The following RBFOX1 variants were observed in gnomAD, a reference collection of about 807,000 sequenced individuals.
RBFOX1 encodes the protein RNA binding fox-1 homolog 1.
A neutral mutation model predicts 57.7 loss-of-function variants in RBFOX1; 8 were observed. That is an observed-to-expected ratio of 0.14 (90% CI 0.08 to 0.25). The LOEUF (loss-of-function observed/expected upper bound fraction) is 0.25, where lower values mean the gene tolerates loss of function less well. RBFOX1 is among the 10% of genes least tolerant of loss of function. RBFOX1 has a pLI of 1.00. For missense variants in RBFOX1, 611 were observed against 548.5 expected (o/e 1.11, Z -1.14); for synonymous variants, 326 against 222.4 (o/e 1.47, Z -4.15).
chr16:5,709,864 T>TACC (rs1596883733), intron 3 of RBFOX1, among the ~76,000 whole-genome samples: 1 of 77,420 alleles, frequency 1.3e-5, no homozygotes, highest in Admixed American at 1.3e-4. Context: ...TTTTTTTTTT[T>TACC]TTTTTTTTTT....
At chr16:5,980,247 C>T (rs2060145220) in intron 4 of RBFOX1, among the ~76,000 whole-genome samples, 2 of 152,340 alleles carry the variant, frequency 1.3e-5, no homozygotes, top group South Asian at 2.1e-4. Flanking sequence ...AAGTGATTGC[C>T]ATCTCCAAAT....
chr16:6,830,516 T>C (rs1302520544), intron 3 of RBFOX1, among the ~76,000 whole-genome samples: 2 of 152,288 alleles, frequency 1.3e-5, no homozygotes, highest in African/African-American at 4.8e-5. Context: ...GAGACTGTTT[T>C]GTTCCCCCAG....
At chr16:5,286,761 AC>A (rs1268564448) in intron 1 of RBFOX1, among the ~76,000 whole-genome samples, 1 of 152,202 alleles carries the variant, frequency 6.6e-6, no homozygotes, top group African/African-American at 2.4e-5. Context: ...GGTCTAGATA[AC>A]CTCTGTTGCA....
At chr16:7,414,995 G>A (rs1476257353) in intron 4 of RBFOX1, among the ~76,000 whole-genome samples, 1 of 152,188 alleles carries the variant, frequency 6.6e-6, no homozygotes, top group Non-Finnish European at 1.5e-5. Flanking sequence ...GGAGTTGTGA[G>A]GAGCTTATAT....
At chr16:5,812,023 T>C (rs1197935192) in intron 3 of RBFOX1, among the ~76,000 whole-genome samples, 1 of 152,206 alleles carries the variant, frequency 6.6e-6, no homozygotes, top group Non-Finnish European at 1.5e-5. Flanking sequence ...GGACGTTTCA[T>C]GTAATTGAAT....
intron 3 of RBFOX1, among the ~76,000 whole-genome samples, chr16:6,705,929 G>A (rs750314305): frequency 8.5e-5 from 13 of 152,132 alleles, no homozygotes; most frequent in Non-Finnish European, 1.2e-4. Flanking sequence ...GGTGTGGGAG[G>A]AGCACTTGAG....
At chr16:5,816,260 A>G (rs1256523762) in intron 3 of RBFOX1, among the ~76,000 whole-genome samples, 2 of 152,106 alleles carry the variant, frequency 1.3e-5, no homozygotes, top group East Asian at 3.9e-4. Flanking sequence ...TTGGCTACCT[A>G]TTCCTTCAAG....
chr16:7,423,816 C>T (rs368728388), intron 4 of RBFOX1, among the ~76,000 whole-genome samples: 29 of 152,228 alleles, frequency 1.9e-4, no homozygotes, highest in African/African-American at 5.8e-4. Context: ...TCTCCCCTCC[C>T]GTAAATCAGC....
intron 1 of RBFOX1, among the ~76,000 whole-genome samples, chr16:5,338,975 A>C (rs1248280463): frequency 6.6e-6 from 1 of 152,146 alleles, no homozygotes; most frequent in Non-Finnish European, 1.5e-5. Context: ...GGATGACTAA[A>C]TCAAGTCAGT....
At chr16:7,292,326 A>G (rs1051206059) in intron 4 of RBFOX1, among the ~76,000 whole-genome samples, 4 of 134,528 alleles carry the variant, frequency 3.0e-5, no homozygotes, top group African/African-American at 1.1e-4. Flanking sequence ...TATATATCAT[A>G]TATCATACAT....
chr16:7,637,752 A>T (rs1405407746), intron 11 of RBFOX1, among the ~76,000 whole-genome samples: 1 of 152,114 alleles, frequency 6.6e-6, no homozygotes, highest in Non-Finnish European at 1.5e-5. Flanking sequence ...ATATTTTTCT[A>T]CTATTTTATG....
chr16:6,808,869 C>G (rs1297838119), intron 3 of RBFOX1, among the ~76,000 whole-genome samples: 3 of 152,152 alleles, frequency 2.0e-5, no homozygotes, highest in Non-Finnish European at 4.4e-5. Context: ...CCTGTAACAC[C>G]TTTAGCAGGG....
At chr16:6,838,053 C>T (rs1483024858) in intron 3 of RBFOX1, among the ~76,000 whole-genome samples, 1 of 151,518 alleles carries the variant, frequency 6.6e-6, no homozygotes, top group South Asian at 2.1e-4. Context: ...GATGCATGTG[C>T]AGAACATGCA....
rs71145235 is a variant in RBFOX1, at chr16:6,486,659, AT to A, written c.-63-167933del. Among the ~76,000 whole-genome samples the A allele has an allele frequency of 2.4e-3, 350 of 148,750 alleles. 3 individuals carry two copies. Among genetic ancestry groups the A allele is most frequent in the African/African-American group, 5.7e-3 (230 of 40,670 alleles). On this transcript the variant is annotated intron_variant, in intron 2 of 15. Coordinates refer to ENST00000550418, the MANE Select transcript of RBFOX1 (RefSeq NM_018723.4). ...AAAAGCTTGAACCCTTAATTTTATTATTTTTTTTTTTGGCATTTTAGACTTT... is the reference window on the plus strand; with the variant it reads ...AAAAGCTTGAACCCTTAATTTTATTATTTTTTTTTTGGCATTTTAGACTTT...
At chr16:5,575,505 A>T (rs985100449) in intron 2 of RBFOX1, among the ~76,000 whole-genome samples, 1 of 152,192 alleles carries the variant, frequency 6.6e-6, no homozygotes, top group African/African-American at 2.4e-5. Flanking sequence ...CAGCCATCAC[A>T]GTCTGTCTGG....
intron 3 of RBFOX1, among the ~76,000 whole-genome samples, chr16:6,865,936 G>C (rs557111964): frequency 2.6e-5 from 4 of 152,026 alleles, no homozygotes; most frequent in Admixed American, 1.3e-4. Flanking sequence ...ACCTCATTTG[G>C]TTCTTGCACA....
chr16:7,620,323 A>G (rs1238152484), intron 10 of RBFOX1, among the ~76,000 whole-genome samples: 1 of 152,244 alleles, frequency 6.6e-6, no homozygotes, highest in Non-Finnish European at 1.5e-5. Context: ...TCAGAGAAGT[A>G]CAGAGTTTTA....
intron 4 of RBFOX1, among the ~76,000 whole-genome samples, chr16:7,440,911 C>G (rs562672280): frequency 2.0e-4 from 31 of 152,210 alleles, no homozygotes; most frequent in African/African-American, 7.2e-4. Context: ...TGGTTGTGCA[C>G]AAATGTAGTC....
At chr16:7,103,308 G>C (rs773620458) in intron 4 of RBFOX1, among the ~76,000 whole-genome samples, 1 of 152,100 alleles carries the variant, frequency 6.6e-6, no homozygotes, top group African/African-American at 2.4e-5. Flanking sequence ...AGTCAGTATA[G>C]CAATGAGTAA....
Sources: gnomAD v4.1 joint callset for allele counts (sites outside exome capture counted in the v4.1 genomes callset) on GRCh38, gnomAD v4.1.1 for gene constraint, MANE v1.5 for transcripts, NCBI Gene and HGNC (gene_info 2026-07-23, HGNC 2026-07-21) for gene names.